The following EPRS1 variants were observed in gnomAD, a reference collection of about 807,000 sequenced individuals.
The protein encoded by EPRS1 is glutamyl-prolyl-tRNA synthetase 1.
Under a neutral mutation model 188.3 loss-of-function variants are expected in EPRS1, and 107 were observed. That is an observed-to-expected ratio of 0.57 (90% CI 0.49 to 0.67). The LOEUF (loss-of-function observed/expected upper bound fraction) is 0.67, where lower values mean the gene tolerates loss of function less well. EPRS1 is among the 30% of genes least tolerant of loss of function. The pLI is 0.00. For synonymous variants in EPRS1, 596 were observed against 593.1 expected, an observed-to-expected ratio of 1.00 and a Z score of -0.07; for missense variants, 1,577 against 1,802.2, an observed-to-expected ratio of 0.88 and a Z score of 2.26.
intron 12 of EPRS1, among the ~76,000 whole-genome samples, chr1:220,013,215 C>T (rs188353281): frequency 4.6e-5 from 7 of 152,230 alleles, no homozygotes; most frequent in Admixed American, 2.6e-4. Context: ...GCAAAGTAAG[C>T]TCTTGAAATG....
chr1:220,046,274 C>G, intron 1 of EPRS1, 69 bp downstream of exon 1: 1 of 1,579,798 alleles, frequency 6.3e-7, no homozygotes, highest in Non-Finnish European at 8.7e-7. Flanking sequence ...CGGGGCGCAG[C>G]GACCTTCCAC....
chr1:220,019,022 T>G lies in EPRS1; in HGVS notation c.1407A>C (p.Glu469Asp). Residue 469 changes from glutamate (E) to aspartate (D), a missense_variant, in exon 11 of 32, where the codon GAA (glutamate) becomes GAC (aspartate). Glu to Asp is a conservative substitution (Grantham distance 45, BLOSUM62 2). Transcript: ENST00000366923. ...GAGCAGCAATAAACTGTTTCAGTCC[T>G]TCAACTGTCATCCCTCTTCTCAGTA... ...RGVLRRGMTV[E>D]GLKQFIAAQG... 1 of 1,613,124 alleles carries G rather than the reference T, an allele frequency of 6.2e-7. No individual in the cohort carries two copies. The highest frequency in any genetic ancestry group is 8.5e-7 in the Non-Finnish European group (1 of 1,179,180).
intron 1 of EPRS1, among the ~76,000 whole-genome samples, chr1:220,043,994 T>A (rs1662350493): frequency 6.6e-6 from 1 of 152,152 alleles, no homozygotes; most frequent in Non-Finnish European, 1.5e-5. Flanking sequence ...CTGATTTGGG[T>A]GCTTGTGTGA....
intron 6 of EPRS1, among the ~76,000 whole-genome samples, chr1:220,025,764 G>A (rs570118391): frequency 1.7e-3 from 266 of 152,070 alleles, no homozygotes; most frequent in Middle Eastern, 0.01. Flanking sequence ...TACTTCTCTA[G>A]GCTTTGGTTT....
chr1:220,033,666 C>G lies in EPRS1; in HGVS notation c.232-8G>C. ...CTCCAACCAGTGATCAATCTGTCAA[C>G]ATAAAAGACAGAAAAGAAATGCATT... On this transcript the variant is annotated splice_polypyrimidine_tract_variant and splice_region_variant and intron_variant, in intron 3 of 31. Coordinates refer to ENST00000366923, the MANE Select transcript of EPRS1 (RefSeq NM_004446.3). The G allele has an allele frequency of 6.3e-7, 1 of 1,589,674 alleles. No individual in the cohort carries two copies. Among genetic ancestry groups the G allele is most frequent in the Non-Finnish European group, 8.6e-7 (1 of 1,166,376 alleles).
chr1:220,010,300 A>G (rs1054852895), intron 13 of EPRS1, among the ~76,000 whole-genome samples: 1 of 152,156 alleles, frequency 6.6e-6, no homozygotes. Flanking sequence ...TAAAGATAGG[A>G]GCTTGAATTA....
In EPRS1 at chr1:219,984,195, T is replaced by C. The variant is rs772409364; in HGVS notation, c.3090+11A>G. ...ACTTAAAACATAAAAATCAACTGAA[T>C]GCATACTCACCTGAGAATACCAATC... On this transcript the variant is annotated intron_variant, in intron 21 of 31. Transcript: ENST00000366923. The C allele has an allele frequency of 1.6e-5, 26 of 1,606,712 alleles. No homozygotes were observed. The highest frequency in any genetic ancestry group is 2.2e-5 in the Non-Finnish European group (26 of 1,173,612).
At chr1:219,975,433 TTTG>T (rs1349783710) in intron 28 of EPRS1, among the ~76,000 whole-genome samples, 3 of 152,076 alleles carry the variant, frequency 2.0e-5, no homozygotes, top group Admixed American at 1.3e-4. Flanking sequence ...TGCGGTGGTT[TTTG>T]TTGTTGTTGT....
intron 2 of EPRS1, among the ~76,000 whole-genome samples, chr1:220,037,967 T>C (rs761441387): frequency 3.3e-5 from 5 of 151,942 alleles, no homozygotes; most frequent in Admixed American, 6.6e-5. Flanking sequence ...GGTAATCAAA[T>C]GACAATTATG....
intron 25 of EPRS1, among the ~76,000 whole-genome samples, 158 bp from the exon 26 acceptor site, chr1:219,980,398 T>C (rs947264184): frequency 6.6e-6 from 1 of 152,206 alleles, no homozygotes; most frequent in Non-Finnish European, 1.5e-5. Flanking sequence ...TGTGAACTTA[T>C]TAAGAAAGAT....
chr1:220,016,309 A>G (rs1382783700), intron 12 of EPRS1, among the ~76,000 whole-genome samples: 2 of 149,916 alleles, frequency 1.3e-5, no homozygotes, highest in East Asian at 3.9e-4. Context: ...GTGCCATTGC[A>G]CTCCAGCCTA....
chr1:220,029,842 T>C (rs1436113351), intron 6 of EPRS1, among the ~76,000 whole-genome samples: 3 of 152,164 alleles, frequency 2.0e-5, no homozygotes, highest in Non-Finnish European at 2.9e-5. Context: ...GTGATCACCA[T>C]ACAGAACAGT....
chr1:219,974,311 G>A (rs12045445), intron 28 of EPRS1, among the ~76,000 whole-genome samples: 69,991 of 151,906 alleles, frequency 0.46, 16,227 homozygotes, highest in South Asian at 0.53. Context: ...CACAGTTTAA[G>A]AACCACTCCC....
chr1:219,988,983 A>G (rs2102569225), intron 18 of EPRS1, among the ~76,000 whole-genome samples, 160 bp from the exon 19 acceptor site: 1 of 152,194 alleles, frequency 6.6e-6, no homozygotes, highest in East Asian at 1.9e-4. Flanking sequence ...ATAAAGCTAA[A>G]TTAAAAACAT....
chr1:220,023,006 A>C lies in EPRS1; in HGVS notation c.944-488T>G, dbSNP rs540329262. On this transcript the variant is annotated intron_variant, in intron 8 of 31. Coordinates refer to ENST00000366923, the MANE Select transcript of EPRS1 (RefSeq NM_004446.3). ...TTGGCACTACAGACCGTGCCTATCT[A>C]AAGAACACAGCTCAGGTTGAGAGTC... Among the ~76,000 whole-genome samples, 60 of 152,334 alleles carry C rather than the reference A, an allele frequency of 3.9e-4. 1 individual carries two copies. Among genetic ancestry groups the C allele is most frequent in the African/African-American group, 1.3e-3 (54 of 41,578 alleles).
At chr1:220,003,503 G>T (rs568297970) in intron 16 of EPRS1, among the ~76,000 whole-genome samples, 2 of 152,038 alleles carry the variant, frequency 1.3e-5, no homozygotes, top group Non-Finnish European at 2.9e-5. Context: ...TTACATTCAC[G>T]TTTTCTTCTA....
Position 220,046,466 on chromosome 1 carries a change from G to A in EPRS1, c.-78C>T. 4 of 1,584,330 alleles carry A rather than the reference G, an allele frequency of 2.5e-6. No homozygotes were observed. The highest frequency in any genetic ancestry group is 3.4e-6 in the Non-Finnish European group (4 of 1,166,264). ...ACGGAGGACCCCGCGAAAGGAAGAA[G>A]ATGCAACGTGTGCGCGTACCCGACG... On this transcript the variant is annotated 5_prime_UTR_variant, in exon 1 of 32. Coordinates refer to ENST00000366923, the MANE Select transcript of EPRS1 (RefSeq NM_004446.3).
intron 16 of EPRS1, among the ~76,000 whole-genome samples, chr1:220,004,530 G>C (rs1016334415): frequency 6.6e-6 from 1 of 152,094 alleles, no homozygotes; most frequent in African/African-American, 2.4e-5. Flanking sequence ...CACAGAGATG[G>C]ACCAGATGGG....
Position 219,969,110 on chromosome 1 carries a change from G to A in EPRS1, c.4336C>T (p.Pro1446Ser). The change falls in exon 31 of 32, where the codon CCA (proline) becomes TCA (serine). Residue 1446 changes from proline to serine, a missense_variant. Pro to Ser is a moderately conservative substitution (Grantham distance 74, BLOSUM62 -1). This residue lies in a region of EPRS1 where 296 missense variants were observed against 327.9 expected (regional missense o/e 0.90). Transcript: ENST00000366923. ...TCACAGTCAATTTCCCCACAGAATG[G>A]AATCTGAACAATCTAATTAAGAAAA... ...ILDSGKIVQIPFCGEIDCEDW... is the reference protein window; with the variant it reads ...ILDSGKIVQISFCGEIDCEDW... 6.2e-7 allele frequency: 1 copy of A among 1,607,042 alleles called. No individual in the cohort carries two copies.
Sources: allele counts gnomAD v4.1 joint callset (sites outside exome capture counted in the v4.1 genomes callset), GRCh38; gene constraint gnomAD v4.1.1; regional missense constraint gnomAD v4.1.1; transcripts MANE v1.5; gene names NCBI Gene and HGNC (gene_info 2026-07-23, HGNC 2026-07-21).